The following GLB1 variants were observed in gnomAD, a reference collection of about 807,000 sequenced individuals.
The protein encoded by GLB1 is beta-galactosidase.
In GLB1, 56 loss-of-function variants were observed where a neutral mutation model predicts 74.0. The ratio of observed to expected loss-of-function variants is 0.76; its 90% CI spans 0.61 to 0.94. The LOEUF is 0.94. GLB1 is among the 40% of genes least tolerant of loss of function. GLB1 has a pLI of 0.00. For synonymous variants in GLB1, 323 were observed against 323.6 expected, an observed-to-expected ratio of 1.00 and a Z score of 0.02; for missense variants, 787 against 845.5, an observed-to-expected ratio of 0.93 and a Z score of 0.86.
chr3:33,021,220 CTG>C (rs1697462199), intron 12 of GLB1: 1 of 332,362 alleles, frequency 3.0e-6, no homozygotes, highest in Non-Finnish European at 5.7e-6. Flanking sequence ...ATTAAACTGT[CTG>C]TTTTGAGTAT....
intron 1 of GLB1, among the ~76,000 whole-genome samples, chr3:33,095,210 CAAAAAAAAAAAA>C (rs71630565): frequency 1.3e-5 from 1 of 75,888 alleles, no homozygotes; most frequent in South Asian, 5.2e-4. Flanking sequence ...GACTCTGTCT[CAAAAAAAAAAAA>C]AAAAAAAAAA....
intron 10 of GLB1, among the ~76,000 whole-genome samples, chr3:33,040,449 A>T (rs1471992537): frequency 1.3e-5 from 2 of 152,016 alleles, no homozygotes; most frequent in East Asian, 3.9e-4. Context: ...TACAAAAAAA[A>T]AATAAAAAAT....
intron 1 of GLB1, among the ~76,000 whole-genome samples, chr3:33,083,844 TA>T (rs35217324): frequency 6.6e-6 from 1 of 152,030 alleles, no homozygotes; most frequent in Non-Finnish European, 1.5e-5. Context: ...GCATCTTTTT[TA>T]AAAAAAATTA....
chr3:33,023,557 CTT>C (rs960310265), intron 11 of GLB1, among the ~76,000 whole-genome samples: 4 of 144,348 alleles, frequency 2.8e-5, no homozygotes, highest in African/African-American at 2.5e-5. Flanking sequence ...GGTAACGGTT[CTT>C]TTTTTTTTTT....
the GLB1 span, among the ~76,000 whole-genome samples, chr3:32,980,613 T>A: frequency 0.11 from 16,346 of 151,938 alleles, 1,111 homozygotes; most frequent in African/African-American, 0.2. Context: ...AACCCCTGTC[T>A]CTACTAAAAA....
intron 11 of GLB1, 48 bp downstream of exon 11, chr3:33,024,203 T>C: frequency 4.5e-6 from 7 of 1,563,344 alleles, no homozygotes; most frequent in Non-Finnish European, 6.1e-6. Flanking sequence ...TTCCACTTTC[T>C]CACTCCCATC....
intron 15 of GLB1, among the ~76,000 whole-genome samples, chr3:33,013,510 G>A (rs1697110747): frequency 6.6e-6 from 1 of 152,142 alleles, no homozygotes. Flanking sequence ...ATGAAAACAG[G>A]ACATGAGGGA....
intron 15 of GLB1, among the ~76,000 whole-genome samples, chr3:32,998,565 G>C (rs2125444389): frequency 6.6e-6 from 1 of 151,998 alleles, no homozygotes. Flanking sequence ...ATCAACAGCT[G>C]GCTGAATAGA....
At chr3:33,046,999 C>T (rs1698768224) in intron 9 of GLB1, among the ~76,000 whole-genome samples, 1 of 152,180 alleles carries the variant, frequency 6.6e-6, no homozygotes, top group African/African-American at 2.4e-5. Flanking sequence ...CAACAACTGA[C>T]CAATGTGCCT....
chr3:33,032,242 C>T (rs981763992), intron 10 of GLB1, among the ~76,000 whole-genome samples: 4 of 152,194 alleles, frequency 2.6e-5, no homozygotes, highest in East Asian at 3.9e-4. Context: ...CCCTGGACTT[C>T]GGCTTCCATT....
chr3:32,984,312 G>T, the GLB1 span, among the ~76,000 whole-genome samples: 1 of 151,858 alleles, frequency 6.6e-6, no homozygotes, highest in Non-Finnish European at 1.5e-5. Context: ...GTTGCTCAGG[G>T]GGGAATTCAA....
At chr3:33,073,252 C>G (rs12633904) in intron 1 of GLB1, among the ~76,000 whole-genome samples, 73,132 of 151,994 alleles carry the variant, frequency 0.48, 20,875 homozygotes, top group Non-Finnish European at 0.62. Flanking sequence ...ATCTCTAACC[C>G]TACCTCTCTT....
rs1252914885 is a variant in GLB1, at chr3:33,014,271, T to G, written c.1519A>C (p.Thr507Pro). 1.9e-6 allele frequency: 3 copies of G among 1,613,792 alleles called. No homozygotes were observed. Among genetic ancestry groups the G allele is most frequent in the Non-Finnish European group, 2.5e-6 (3 of 1,179,978 alleles). ...SNLTLSSNILTDWTIFPLDTE... is the reference protein window; with the variant it reads ...SNLTLSSNILPDWTIFPLDTE... ...TCCAGTGGAAAGATCGTCCAGTCCG[T>G]GAGGATATTGGAACTGAGAGTCAGG... The change falls in exon 15 of 16, where the codon ACG (threonine) becomes CCG (proline). Residue 507 changes from threonine to proline, a missense_variant. Transcript: ENST00000307363.
intron 5 of GLB1, among the ~76,000 whole-genome samples, chr3:33,064,888 T>C (rs566162095): frequency 1.3e-5 from 2 of 151,766 alleles, no homozygotes; most frequent in Non-Finnish European, 2.9e-5. Context: ...ACTGTTAAAG[T>C]TCAATGTACC....
chr3:32,974,429 A>G, the GLB1 span, among the ~76,000 whole-genome samples: 1 of 152,208 alleles, frequency 6.6e-6, no homozygotes, highest in African/African-American at 2.4e-5. Flanking sequence ...CCATATCCAC[A>G]TCTATATCTA....
chr3:32,985,758 T>C, the GLB1 span, among the ~76,000 whole-genome samples: 1 of 152,210 alleles, frequency 6.6e-6, no homozygotes, highest in Admixed American at 6.5e-5. Context: ...CAGATTTCAG[T>C]GCAGTGGCAT....
intron 13 of GLB1, among the ~76,000 whole-genome samples, chr3:33,018,156 C>T (rs1232865761): frequency 3.3e-5 from 5 of 151,768 alleles, no homozygotes. Flanking sequence ...CATGGTGGTG[C>T]ACCCCTGTAG....
At chr3:33,006,927 C>T (rs1396086049) in intron 15 of GLB1, among the ~76,000 whole-genome samples, 1 of 152,138 alleles carries the variant, frequency 6.6e-6, no homozygotes, top group East Asian at 1.9e-4. Flanking sequence ...TTGTCCAACC[C>T]CACACCGCAA....
chr3:32,964,393 T>A, the GLB1 span, among the ~76,000 whole-genome samples: 1 of 152,246 alleles, frequency 6.6e-6, no homozygotes, highest in East Asian at 1.9e-4. Flanking sequence ...GGTAAATATA[T>A]GAGGGAATGG....
Sources: gnomAD v4.1 joint callset for allele counts (sites outside exome capture counted in the v4.1 genomes callset) on GRCh38, gnomAD v4.1.1 for gene constraint, MANE v1.5 for transcripts, NCBI Gene and HGNC (gene_info 2026-07-23, HGNC 2026-07-21) for gene names.